Variants in AFF3 observed in about 807,000 individuals in gnomAD.
AFF3 encodes the protein ALF transcription elongation factor 3.
AFF3 carries 32 observed loss-of-function variants against 129.7 expected under a neutral mutation model. The observed-to-expected ratio is 0.25, with a 90% confidence interval of 0.19 to 0.33. The LOEUF (loss-of-function observed/expected upper bound fraction) is 0.33. AFF3 is among the 10% of genes least tolerant of loss of function. AFF3 has a pLI of 1.00. For missense variants in AFF3, 1,373 were observed against 1,592.0 expected (o/e 0.86, Z 2.34); for synonymous variants, 644 against 635.4 (o/e 1.01, Z -0.20).
At chr2:99,819,752 G>A (rs1328885016) in intron 8 of AFF3, among the ~76,000 whole-genome samples, 1 of 152,212 alleles carries the variant, frequency 6.6e-6, no homozygotes, top group Non-Finnish European at 1.5e-5. Context: ...GTTGTTGAAC[G>A]CAGGAGTGGC....
intron 7 of AFF3, among the ~76,000 whole-genome samples, chr2:99,982,403 T>C (rs1679493391): frequency 6.6e-6 from 1 of 152,228 alleles, no homozygotes; most frequent in African/African-American, 2.4e-5. Context: ...CCTTCCGCCA[T>C]GATTGTGAGG....
intron 7 of AFF3, among the ~76,000 whole-genome samples, chr2:99,988,711 A>G (rs1396921170): frequency 6.6e-6 from 1 of 152,168 alleles, no homozygotes; most frequent in Non-Finnish European, 1.5e-5. Flanking sequence ...CTTGGACACC[A>G]TTTTTGCAGA....
At chr2:100,141,722 C>A (rs536808313) in intron 1 of AFF3, among the ~76,000 whole-genome samples, 1 of 152,230 alleles carries the variant, frequency 6.6e-6, no homozygotes, top group Admixed American at 6.5e-5. Flanking sequence ...CTTTGTCTTG[C>A]TATTAGTTCT....
chr2:100,135,210 G>A (rs1692586478), intron 1 of AFF3, among the ~76,000 whole-genome samples: 2 of 152,176 alleles, frequency 1.3e-5, no homozygotes, highest in Non-Finnish European at 2.9e-5. Flanking sequence ...GAGGGTAGTG[G>A]ATTGTATTTC....
At chr2:99,710,251 G>A (rs1677776082) in intron 11 of AFF3, among the ~76,000 whole-genome samples, 1 of 152,064 alleles carries the variant, frequency 6.6e-6, no homozygotes, top group Non-Finnish European at 1.5e-5. Context: ...ACAGTATTCA[G>A]TATTTGTTTT....
rs545558212 is a variant in AFF3 at position 99,984,418 on chromosome 2, A to C, written c.873+22214T>G. The stretch of plus-strand genomic sequence containing the variant: ...AGTCCTTACTTTAGTATGCTAGGAA[A>C]CATATTGAGAGGAAATAAATATAGT... On this transcript the variant is annotated intron_variant, in intron 7 of 24. Coordinates refer to ENST00000672756, the MANE Select transcript of AFF3 (RefSeq NM_001386135.1). Among the ~76,000 whole-genome samples, 3 of 152,296 alleles carry C rather than the reference A, an allele frequency of 2.0e-5. No individual in the cohort carries two copies. The South Asian group carries it at 6.2e-4, about 32-fold the overall frequency.
intron 4 of AFF3, among the ~76,000 whole-genome samples, chr2:100,051,682 A>G (rs1019812436): frequency 2.0e-5 from 3 of 152,178 alleles, no homozygotes; most frequent in Non-Finnish European, 2.9e-5. Flanking sequence ...TGGACAGATG[A>G]CTTGTAAGTG....
At chr2:100,104,127 C>A (rs1691004049) in intron 4 of AFF3, among the ~76,000 whole-genome samples, 1 of 152,076 alleles carries the variant, frequency 6.6e-6, no homozygotes, top group Admixed American at 6.5e-5. Flanking sequence ...CTCCCCACGG[C>A]TGCGCTCTGC....
At chr2:99,695,938 G>GCAAAAAAAAAAAAA (rs1676180722) in intron 11 of AFF3, among the ~76,000 whole-genome samples, 1 of 57,648 alleles carries the variant, frequency 1.7e-5, no homozygotes, top group African/African-American at 7.2e-5. Context: ...CTGGAAAAAT[G>GCAAAAAAAAAAAAA]AAAAAAAAAA....
At chr2:99,909,798 C>T (rs1694991305) in intron 7 of AFF3, among the ~76,000 whole-genome samples, 3 of 152,074 alleles carry the variant, frequency 2.0e-5, no homozygotes, top group Non-Finnish European at 4.4e-5. Context: ...TATTTTAACA[C>T]ATTGACAATA....
intron 7 of AFF3, among the ~76,000 whole-genome samples, chr2:99,974,365 C>T (rs995590268): frequency 1.3e-5 from 2 of 152,208 alleles, no homozygotes; most frequent in African/African-American, 4.8e-5. Flanking sequence ...TAATTTAACA[C>T]CTGTGTGCTC....
intron 18 of AFF3, among the ~76,000 whole-genome samples, chr2:99,572,393 C>G (rs1315465723): frequency 7.1e-6 from 1 of 141,762 alleles, no homozygotes; most frequent in African/African-American, 2.6e-5. Context: ...ATTAAAGCAA[C>G]CTTGCTTTTT....
chr2:99,772,869 C>G (rs1683601369), intron 8 of AFF3, among the ~76,000 whole-genome samples: 1 of 152,204 alleles, frequency 6.6e-6, no homozygotes, highest in Admixed American at 6.5e-5. Context: ...GCCTTTCCTG[C>G]CTGAGAGGGT....
chr2:99,733,396 AAACAACAAC>A (rs3073372), intron 10 of AFF3, among the ~76,000 whole-genome samples: 1 of 144,386 alleles, frequency 6.9e-6, no homozygotes, highest in Non-Finnish European at 1.5e-5. Flanking sequence ...AAAAAAACCA[AAACAACAAC>A]AACAACAACA....
At chr2:99,648,880 C>T (rs1684932142) in intron 13 of AFF3, among the ~76,000 whole-genome samples, 1 of 84,490 alleles carries the variant, frequency 1.2e-5, no homozygotes, top group Non-Finnish European at 2.3e-5. Flanking sequence ...CCTCAAAACA[C>T]GCGCGCACAC....
intron 12 of AFF3, among the ~76,000 whole-genome samples, chr2:99,655,213 T>TACACACACACACACAC (rs59646108): frequency 7.7e-6 from 1 of 130,268 alleles, no homozygotes; most frequent in African/African-American, 3.0e-5. Flanking sequence ...CATGAAAAGC[T>TACACACACACACACAC]ACACACACAC....
intron 7 of AFF3, among the ~76,000 whole-genome samples, chr2:100,003,358 A>T (rs1681612527): frequency 6.6e-6 from 1 of 152,168 alleles, no homozygotes; most frequent in African/African-American, 2.4e-5. Context: ...GTCAGAAATA[A>T]AATTCAGTGT....
chr2:100,136,762 C>T (rs955818833), intron 1 of AFF3, among the ~76,000 whole-genome samples: 5 of 151,944 alleles, frequency 3.3e-5, no homozygotes, highest in African/African-American at 1.2e-4. Context: ...TTTATCAAGT[C>T]CTCTCCCTCC....
intron 12 of AFF3, among the ~76,000 whole-genome samples, chr2:99,661,368 G>A (rs1381087545): frequency 6.6e-6 from 1 of 152,142 alleles, no homozygotes; most frequent in Non-Finnish European, 1.5e-5. Context: ...CAAAAACTTC[G>A]CTTACTTTCA....
Sources: allele counts gnomAD v4.1 joint callset (sites outside exome capture counted in the v4.1 genomes callset), GRCh38; gene constraint gnomAD v4.1.1; transcripts MANE v1.5; gene names NCBI Gene and HGNC (gene_info 2026-07-23, HGNC 2026-07-21).